Variants in SPATA16 observed in about 807,000 individuals in gnomAD.
SPATA16 encodes the protein spermatogenesis-associated protein 16.
Under a neutral mutation model 63.3 loss-of-function variants are expected in SPATA16, and 36 were observed. That is an observed-to-expected ratio of 0.57 (90% CI 0.44 to 0.75). The LOEUF is 0.75. Ranked by LOEUF, SPATA16 falls within the 30% of genes least tolerant of loss-of-function variation. The pLI is 0.00. For missense variants in SPATA16, 646 were observed against 679.3 expected, an observed-to-expected ratio of 0.95 and a Z score of 0.54; for synonymous variants, 203 against 216.7, an observed-to-expected ratio of 0.94 and a Z score of 0.56.
intron 1 of SPATA16, among the ~76,000 whole-genome samples, chr3:173,123,713 C>G (rs191585183): frequency 6.6e-6 from 1 of 151,310 alleles, no homozygotes; most frequent in Non-Finnish European, 1.5e-5. Flanking sequence ...AAGTGATTCT[C>G]CTGCCTCAGC....
intron 8 of SPATA16, among the ~76,000 whole-genome samples, chr3:172,917,837 GA>G (rs1489560773): frequency 1.3e-5 from 2 of 152,172 alleles, no homozygotes; most frequent in African/African-American, 2.4e-5. Flanking sequence ...CTTAAAATTA[GA>G]ATGCACTTCT....
rs569099379 is a variant in SPATA16, at chr3:172,896,540, A to G, written c.1588-6848T>C. ...CCGAAACTGCCGTATTATTTTCCAC[A>G]GTGGTTGTACCATTTTACATCCCAT... is the stretch of plus-strand genomic sequence containing the variant. On this transcript the variant is annotated intron_variant, in intron 10 of 10. Coordinates refer to ENST00000351008, the MANE Select transcript of SPATA16 (RefSeq NM_031955.6). 8.5e-5 allele frequency among the ~76,000 whole-genome samples: 13 copies of G among 152,290 alleles called. No homozygotes were observed. The East Asian group carries it at 2.3e-3, about 27-fold the overall frequency.
rs188259228 is a variant in SPATA16 at position 173,099,190 on chromosome 3, C to T, written c.612+17930G>A. Among the ~76,000 whole-genome samples the T allele has an allele frequency of 2.0e-4, 30 of 151,944 alleles. No homozygotes were observed. In the East Asian group the frequency reaches 5.6e-3, roughly 28 times the overall value. On this transcript the variant is annotated intron_variant, in intron 2 of 10. Transcript: ENST00000351008. ...CATCACACAAGCATTCTTACATCAT[C>T]ACAAGAAGGATGAGTACAGTACCAT...
Position 173,048,976 on chromosome 3 carries a change from G to T in SPATA16, c.731C>A (p.Pro244Gln), listed in dbSNP as rs754558824. The T allele has an allele frequency of 5.5e-5, 89 of 1,613,660 alleles. No individual in the cohort carries two copies. Among genetic ancestry groups the T allele is most frequent in the Non-Finnish European group, 7.0e-5 (82 of 1,179,734 alleles). ...GTGTGCATGATTCAGGGCAAGATCT[G>T]GTTTCCTCATCCGTAGATAACAGGT... ...LVTCYLRMRK[P>Q]DLALNHAHRS... The change falls in exon 3 of 11, where the codon CCA (proline) becomes CAA (glutamine). Residue 244 changes from proline to glutamine, a missense_variant. Transcript: ENST00000351008.
At chr3:173,093,221 G>A (rs1737268875) in intron 2 of SPATA16, among the ~76,000 whole-genome samples, 1 of 151,970 alleles carries the variant, frequency 6.6e-6, no homozygotes, top group South Asian at 2.1e-4. Flanking sequence ...TTAGAAGATA[G>A]TAGTTTCTAT....
chr3:172,978,563 T>G (rs1441891704), intron 4 of SPATA16, among the ~76,000 whole-genome samples: 1 of 152,222 alleles, frequency 6.6e-6, no homozygotes, highest in Non-Finnish European at 1.5e-5. Context: ...CAACACGCCC[T>G]ATATTTATAG....
At chr3:172,965,420 G>C (rs1733894881) in intron 5 of SPATA16, among the ~76,000 whole-genome samples, 1 of 152,120 alleles carries the variant, frequency 6.6e-6, no homozygotes, top group Non-Finnish European at 1.5e-5. Flanking sequence ...TTCTAAGAAG[G>C]GAATTGTTCA....
In SPATA16 at chr3:172,951,452, C is replaced by T. The variant is rs532601700; in HGVS notation, c.1081+5225G>A. Among the ~76,000 whole-genome samples, 13 of 151,772 alleles carry T rather than the reference C, an allele frequency of 8.6e-5. No individual in the cohort carries two copies. The East Asian group carries it at 2.3e-3, about 27-fold the overall frequency. On this transcript the variant is annotated intron_variant, in intron 6 of 10. Coordinates refer to ENST00000351008, the MANE Select transcript of SPATA16 (RefSeq NM_031955.6). The stretch of plus-strand genomic sequence containing the variant: ...GTGAATAGGTCTTCTCATGATAATC[C>T]ACTGTAAAGTTCATAGATAATGCGA...
chr3:172,919,922 G>A (rs542048749), intron 8 of SPATA16, among the ~76,000 whole-genome samples: 8 of 152,152 alleles, frequency 5.3e-5, no homozygotes, highest in African/African-American at 1.9e-4. Context: ...CAAACTCCTG[G>A]CCTCAAGTGA....
At chr3:173,039,600 C>A (rs1280521960) in intron 3 of SPATA16, among the ~76,000 whole-genome samples, 1 of 151,938 alleles carries the variant, frequency 6.6e-6, no homozygotes, top group Non-Finnish European at 1.5e-5. Context: ...TAAATGGGAA[C>A]AATAAATGCC....
intron 3 of SPATA16, among the ~76,000 whole-genome samples, chr3:173,040,799 G>T (rs1735821338): frequency 6.6e-6 from 1 of 152,100 alleles, no homozygotes; most frequent in African/African-American, 2.4e-5. Context: ...GAAGTTAGTG[G>T]AGAACTAAGT....
rs775805850 is a variant in SPATA16, at chr3:173,117,650, T to C, written c.82A>G (p.Ser28Gly). The C allele has an allele frequency of 6.2e-7, 1 of 1,614,148 alleles. No homozygotes were observed. Among genetic ancestry groups the C allele is most frequent in the Non-Finnish European group, 8.5e-7 (1 of 1,179,998 alleles). The part of the protein sequence containing the change: ...HDQLVPKINT[S>G]KKMSTLAHPP... The stretch of plus-strand genomic sequence containing the variant: ...TGCGCTAAGGTGGACATTTTCTTGC[T>C]TGTGTTTATCTTTGGAACAAGCTGA... Residue 28 changes from serine (S) to glycine (G), a missense_variant, in exon 2 of 11, where the codon AGC (serine) becomes GGC (glycine). Coordinates refer to ENST00000351008, the MANE Select transcript of SPATA16 (RefSeq NM_031955.6).
chr3:172,908,853 AT>A (rs926292363), intron 10 of SPATA16, among the ~76,000 whole-genome samples: 2 of 150,412 alleles, frequency 1.3e-5, no homozygotes, highest in African/African-American at 2.4e-5. Flanking sequence ...TTTTTTAATT[AT>A]TTTTTTTTCT....
At chr3:172,940,799 A>G (rs1480061163) in intron 6 of SPATA16, among the ~76,000 whole-genome samples, 6 of 152,100 alleles carry the variant, frequency 3.9e-5, no homozygotes, top group East Asian at 1.9e-4. Context: ...CCTGGGCAAC[A>G]TGGAGAAACC....
In SPATA16 at chr3:173,044,482, A is replaced by T. The variant is rs377730775; in HGVS notation, c.758+4467T>A. On this transcript the variant is annotated intron_variant, in intron 3 of 10. Coordinates refer to ENST00000351008, the MANE Select transcript of SPATA16 (RefSeq NM_031955.6). ...CTTCTGTTTCTTTGTTGGGATTCTCATCTCTTCACTCATTACAACTATTTT... is the reference window on the plus strand; with the variant it reads ...CTTCTGTTTCTTTGTTGGGATTCTCTTCTCTTCACTCATTACAACTATTTT... Among the ~76,000 whole-genome samples the T allele has an allele frequency of 9.2e-5, 14 of 152,226 alleles. No homozygotes were observed. The East Asian group carries it at 1.4e-3, about 15-fold the overall frequency.
chr3:173,129,080 C>A (rs1738303280), intron 1 of SPATA16, among the ~76,000 whole-genome samples: 1 of 152,240 alleles, frequency 6.6e-6, no homozygotes, highest in Non-Finnish European at 1.5e-5. Context: ...TAGACATTCA[C>A]TCATCCATTT....
At chr3:172,918,254 G>A (rs1054670832) in intron 8 of SPATA16, among the ~76,000 whole-genome samples, 4 of 152,170 alleles carry the variant, frequency 2.6e-5, no homozygotes, top group African/African-American at 9.7e-5. Flanking sequence ...AAACAATGGG[G>A]CTAGTTGTAG....
At position 172,932,617 on chromosome 3, in the gene SPATA16, C is replaced by T. The variant is rs939820692; in HGVS notation, c.1082-7125G>A. On this transcript the variant is annotated intron_variant, in intron 6 of 10. Coordinates refer to ENST00000351008, the MANE Select transcript of SPATA16 (RefSeq NM_031955.6). ...CTATCTTGGAAGTTATCCACAAATT[C>T]ACATCAGCAAGAAAATAGCAAAAGG... is the stretch of plus-strand genomic sequence containing the variant. Among the ~76,000 whole-genome samples the T allele has an allele frequency of 3.9e-5, 6 of 152,096 alleles. No homozygotes were observed. In the South Asian group the frequency reaches 6.2e-4, roughly 16 times the overall value.
chr3:172,899,752 C>A (rs1447525594), intron 10 of SPATA16, among the ~76,000 whole-genome samples: 1 of 151,996 alleles, frequency 6.6e-6, no homozygotes, highest in Non-Finnish European at 1.5e-5. Context: ...TTTGACATAA[C>A]TAGAGTTTTT....
Sources: allele counts gnomAD v4.1 joint callset (sites outside exome capture counted in the v4.1 genomes callset), GRCh38; gene constraint gnomAD v4.1.1; transcripts MANE v1.5; gene names NCBI Gene and HGNC (gene_info 2026-07-23, HGNC 2026-07-21).